PPME1: variants seen among roughly 807,000 people sequenced by gnomAD.
PPME1 encodes the protein protein phosphatase methylesterase 1.
In PPME1, 17 loss-of-function variants were observed where a neutral mutation model predicts 56.9. The ratio of observed to expected loss-of-function variants is 0.30; its 90% CI spans 0.20 to 0.45. The LOEUF (loss-of-function observed/expected upper bound fraction) is 0.45. Among genes scored for constraint, PPME1 ranks in the 20% least tolerant of loss-of-function variants. PPME1 has a pLI of 1.00. For missense variants in PPME1, 357 were observed against 483.2 expected (o/e 0.74, Z 2.45); for synonymous variants, 122 against 156.2 (o/e 0.78, Z 1.63).
At chr11:74,205,061 C>G (rs965343411) in intron 3 of PPME1, 1 of 152,206 alleles carries the variant, frequency 6.6e-6, no homozygotes, top group Non-Finnish European at 1.5e-5. Context: ...CCTAACTCTT[C>G]ATTTTGTGTA....
intron 5 of PPME1, among the ~76,000 whole-genome samples, chr11:74,226,384 G>A (rs1044381813): frequency 1.3e-5 from 2 of 152,158 alleles, no homozygotes; most frequent in Non-Finnish European, 2.9e-5. Flanking sequence ...CCTTGGCAGA[G>A]AGAGAGAGAA....
At chr11:74,171,653 T>G in intron 1 of PPME1, 131 bp downstream of exon 1, 1 of 1,205,932 alleles carries the variant, frequency 8.3e-7, no homozygotes, top group South Asian at 1.7e-5. Flanking sequence ...TGGAGATATT[T>G]AGATGGAGTA....
chr11:74,222,832 A>G (rs1213520827), intron 4 of PPME1: 1 of 158,414 alleles, frequency 6.3e-6, no homozygotes. Flanking sequence ...TAGTCTTTAC[A>G]AATGTATGTG....
intron 1 of PPME1, among the ~76,000 whole-genome samples, chr11:74,193,771 CTATT>C (rs1259605709): frequency 1.3e-5 from 2 of 152,108 alleles, no homozygotes; most frequent in Non-Finnish European, 2.9e-5. Context: ...TTAAACTTGA[CTATT>C]TGTTTTTTAA....
At position 74,176,920 on chromosome 11, in the gene PPME1, G is replaced by A. The variant is rs563389825; in HGVS notation, c.101+5398G>A. On this transcript the variant is annotated intron_variant, in intron 1 of 13. Coordinates refer to ENST00000328257, the MANE Select transcript of PPME1 (RefSeq NM_016147.3). The stretch of plus-strand genomic sequence containing the variant: ...TAATTTTTGTATTTTTAGTAGAGAC[G>A]GGGTTTCATTATGTTGGCCAGGCTG... Among the ~76,000 whole-genome samples the A allele has an allele frequency of 9.2e-4, 140 of 151,540 alleles. No homozygotes were observed. The East Asian group carries it at 0.011, about 12-fold the overall frequency.
chr11:74,182,892 C>T (rs912965453), intron 1 of PPME1, among the ~76,000 whole-genome samples: 18 of 151,792 alleles, frequency 1.2e-4, no homozygotes, highest in Admixed American at 1.2e-3. Flanking sequence ...CACCATGGTT[C>T]ATGCCTGTAA....
chr11:74,222,448 T>C, intron 4 of PPME1, 79 bp downstream of exon 4: 2 of 1,246,342 alleles, frequency 1.6e-6, no homozygotes, highest in Non-Finnish European at 2.3e-6. Flanking sequence ...ATTAGAAATT[T>C]CAACGTGGCC....
intron 1 of PPME1, among the ~76,000 whole-genome samples, chr11:74,197,831 T>C (rs1858029349): frequency 6.6e-6 from 1 of 152,168 alleles, no homozygotes; most frequent in South Asian, 2.1e-4. Context: ...GCAAAATACA[T>C]GTGCATGCAT....
chr11:74,183,567 G>T (rs564425513), intron 1 of PPME1, among the ~76,000 whole-genome samples: 1 of 152,068 alleles, frequency 6.6e-6, no homozygotes, highest in East Asian at 1.9e-4. Context: ...AAGTGTAAAA[G>T]AGCTATTTCT....
chr11:74,230,100 TAC>T lies in PPME1; in HGVS notation c.399-143_399-142del. On this transcript the variant is annotated intron_variant, in intron 5 of 13. Coordinates refer to ENST00000328257, the MANE Select transcript of PPME1 (RefSeq NM_016147.3). The surrounding 1 kb of genome is among the most constrained non-coding windows in gnomAD (Gnocchi z 4.9). ...GATGCTGGGGACATGTTAGAAGGTT[TAC>T]ATAGGTATGTTTGTAAGATGGCCCA... 2 of 813,712 alleles carry T rather than the reference TAC, an allele frequency of 2.5e-6. No individual in the cohort carries two copies. The highest frequency in any genetic ancestry group is 5.3e-5 in the East Asian group (2 of 37,988). The allele number at this position is 813,712 out of a possible 1,614,324, so 50.4% of individuals were successfully genotyped here.
In PPME1 at chr11:74,230,612, A is replaced by T. The variant is rs1007899627; in HGVS notation, c.553+213A>T. ...CTTTTTATGGCTGCATAATATTTCA[A>T]TCCTATGTATGTCCCATAATTGTAT... On this transcript the variant is annotated intron_variant, in intron 6 of 13. Coordinates refer to ENST00000328257, the MANE Select transcript of PPME1 (RefSeq NM_016147.3). This position sits in a 1 kb window ranked among gnomAD's most constrained non-coding sequence, Gnocchi z 4.9. Among the ~76,000 whole-genome samples the T allele has an allele frequency of 6.6e-6, 1 of 152,164 alleles. No individual in the cohort carries two copies. The highest frequency in any genetic ancestry group is 1.9e-4 in the East Asian group (1 of 5,200).
intron 1 of PPME1, among the ~76,000 whole-genome samples, chr11:74,191,112 G>A (rs994403186): frequency 6.6e-6 from 1 of 152,202 alleles, no homozygotes; most frequent in South Asian, 2.1e-4. Flanking sequence ...AAAGTGGGAG[G>A]ATTGTTTGAG....
rs760748505 is a variant in PPME1, at chr11:74,239,958, A to ATTTT, written c.834+718_834+721dup. Among the ~76,000 whole-genome samples the ATTTT allele has an allele frequency of 1.5e-3, 132 of 89,932 alleles. 1 individual carries two copies. Among genetic ancestry groups the ATTTT allele is most frequent in the African/African-American group, 5.4e-3 (127 of 23,686 alleles). The allele number at this position is 89,932 out of a possible 152,430, so 59.0% of individuals were successfully genotyped here. ...GAGGAAGCTCTTTAATTTTCTTTCC[A>ATTTT]TTTTTTTTTTTTTTTTTTTCGTTTG... On this transcript the variant is annotated intron_variant, in intron 9 of 13. Transcript: ENST00000328257.
intron 12 of PPME1, chr11:74,251,376 G>A (rs913586983): frequency 1.5e-6 from 2 of 1,358,424 alleles, no homozygotes; most frequent in East Asian, 2.7e-5. Context: ...GGCTCCTCCT[G>A]TGAGAAAACA....
chr11:74,231,025 CTTTA>C, intron 7 of PPME1, 23 bp downstream of exon 7: 2 of 1,521,422 alleles, frequency 1.3e-6, no homozygotes, highest in Non-Finnish European at 1.8e-6. Context: ...TCTTTGTCGC[CTTTA>C]TTTAATTAAT....
chr11:74,171,565 C>A (rs777708517), intron 1 of PPME1, 43 bp downstream of exon 1: 113 of 1,555,926 alleles, frequency 7.3e-5, no homozygotes, highest in Middle Eastern at 1.7e-4. Flanking sequence ...CAGGCCCCAG[C>A]CGTTGGAGAA....
intron 1 of PPME1, among the ~76,000 whole-genome samples, chr11:74,187,288 G>A (rs1488106110): frequency 6.6e-6 from 1 of 152,196 alleles, no homozygotes; most frequent in African/African-American, 2.4e-5. Flanking sequence ...GAAACCAGGT[G>A]TAATTTTGAT....
intron 9 of PPME1, among the ~76,000 whole-genome samples, chr11:74,243,938 T>C (rs890338629): frequency 6.6e-6 from 1 of 152,168 alleles, no homozygotes; most frequent in Non-Finnish European, 1.5e-5. Flanking sequence ...TCCCCTTTTC[T>C]AAAACTCTTC....
At chr11:74,245,732 G>A (rs1235256281) in intron 9 of PPME1, among the ~76,000 whole-genome samples, 1 of 152,048 alleles carries the variant, frequency 6.6e-6, no homozygotes, top group Admixed American at 6.5e-5. Flanking sequence ...TATGTTCTTT[G>A]TAGTTATTCT....
Sources: gnomAD v4.1 joint callset for allele counts (sites outside exome capture counted in the v4.1 genomes callset) on GRCh38, gnomAD v4.1.1 for gene constraint, Gnocchi (gnomAD v3.1) non-coding constraint, MANE v1.5 for transcripts, NCBI Gene and HGNC (gene_info 2026-07-23, HGNC 2026-07-21) for gene names.